EZH2: variants seen among roughly 807,000 people sequenced by gnomAD.
The protein encoded by EZH2 is enhancer of zeste 2 polycomb repressive complex 2 subunit.
EZH2 carries 18 observed loss-of-function variants against 98.4 expected under a neutral mutation model. The ratio of observed to expected loss-of-function variants is 0.18; its 90% CI spans 0.13 to 0.27. The LOEUF is 0.27. EZH2 is among the 10% of genes least tolerant of loss of function. The probability of loss-of-function intolerance (pLI) is 1.00; values close to 1 mark genes in which losing one functional copy is unlikely to be tolerated. For synonymous variants in EZH2, 338 were observed against 312.3 expected, an observed-to-expected ratio of 1.08 and a Z score of -0.87; for missense variants, 470 against 935.1, an observed-to-expected ratio of 0.50 and a Z score of 6.49.
intron 1 of EZH2, chr7:148,850,406 T>C: frequency 1.3e-6 from 1 of 764,714 alleles, no homozygotes; most frequent in Non-Finnish European, 1.6e-6. Context: ...TGTCCTTGTC[T>C]AATATTCTGG....
intron 19 of EZH2, 104 bp downstream of exon 19, chr7:148,808,967 G>T: frequency 3.7e-6 from 3 of 818,390 alleles, no homozygotes; most frequent in South Asian, 1.6e-5. Context: ...ATGGCAAAGT[G>T]ACCCATCAAA....
intron 6 of EZH2, 85 bp from the exon 7 acceptor site, chr7:148,827,351 A>AT (rs1428880699): frequency 3.2e-6 from 3 of 929,066 alleles, no homozygotes; most frequent in Middle Eastern, 2.6e-4. Context: ...TTATGTCTCT[A>AT]TAACAAAGCT....
chr7:148,857,378 T>C, intron 1 of EZH2, among the ~76,000 whole-genome samples: 1 of 152,236 alleles, frequency 6.6e-6, no homozygotes, highest in Non-Finnish European at 1.5e-5. Flanking sequence ...AAATAAAGTC[T>C]TGAGTTTAGT....
intron 1 of EZH2, among the ~76,000 whole-genome samples, chr7:148,847,916 C>T (rs1436333927): frequency 2.6e-5 from 4 of 152,134 alleles, no homozygotes; most frequent in Non-Finnish European, 5.9e-5. Flanking sequence ...TGCTATCAAG[C>T]GAAAAGAGGA....
At chr7:148,876,778 G>A (rs1316315572) in intron 1 of EZH2, among the ~76,000 whole-genome samples, 1 of 152,194 alleles carries the variant, frequency 6.6e-6, no homozygotes, top group Middle Eastern at 3.2e-3. Flanking sequence ...TTTTAGGCTT[G>A]GCAGGCGGTA....
chr7:148,828,259 A>C (rs1585016725), intron 6 of EZH2, among the ~76,000 whole-genome samples: 1 of 152,258 alleles, frequency 6.6e-6, no homozygotes. Context: ...TGCCCAGTGA[A>C]GCACACAAAA....
chr7:148,850,019 T>C (rs557705386), intron 1 of EZH2, among the ~76,000 whole-genome samples: 3 of 152,212 alleles, frequency 2.0e-5, no homozygotes, highest in East Asian at 1.9e-4. Flanking sequence ...TGGGTGTTAT[T>C]ACAATTTCTT....
At chr7:148,841,853 A>G (rs1327117622) in intron 3 of EZH2, among the ~76,000 whole-genome samples, 2 of 152,218 alleles carry the variant, frequency 1.3e-5, no homozygotes, top group African/African-American at 4.8e-5. Context: ...AACTGCCAAC[A>G]TACAAAATAA....
chr7:148,809,207 T>G, intron 18 of EZH2, 52 bp from the exon 19 acceptor site: 1 of 1,589,952 alleles, frequency 6.3e-7, no homozygotes, highest in Non-Finnish European at 8.6e-7. Flanking sequence ...CCACGGGGGG[T>G]TAACTGACTT....
Position 148,828,856 on chromosome 7 carries a change from A to G in EZH2, c.509T>C (p.Ile170Thr). Residue 170 changes from isoleucine (I) to threonine (T), a missense_variant, in exon 6 of 20, where the codon ATT becomes ACT. Around this residue, in one of 6 missense-constraint regions of EZH2, gnomAD observed 69 missense variants for 78.3 expected, o/e 0.88. Transcript: ENST00000320356. ...DRECGFINDE[I>T]FVELVNALGQ... ...AAGGGCATTCACCAACTCCACAAAA[A>G]TTTCATCATTTATAAACCCACATTC... The G allele has an allele frequency of 6.2e-7, 1 of 1,612,702 alleles. No homozygotes were observed. Among genetic ancestry groups the G allele is most frequent in the Non-Finnish European group, 8.5e-7 (1 of 1,179,336 alleles).
chr7:148,814,165 A>G, intron 14 of EZH2, 28 bp from the exon 15 acceptor site: 4 of 1,605,588 alleles, frequency 2.5e-6, no homozygotes, highest in Non-Finnish European at 3.4e-6. Context: ...GAGGTTCTTC[A>G]CTCATCACCG....
At chr7:148,838,197 T>C (rs1375777390) in intron 3 of EZH2, among the ~76,000 whole-genome samples, 3 of 151,426 alleles carry the variant, frequency 2.0e-5, no homozygotes, top group African/African-American at 7.3e-5. Context: ...GCCTCCCGAG[T>C]AGCTGGGACT....
intron 1 of EZH2, among the ~76,000 whole-genome samples, chr7:148,881,968 GCGCGCACACACACACACA>G (rs1821042491): frequency 1.1e-5 from 1 of 93,668 alleles, no homozygotes; most frequent in Admixed American, 1.0e-4. Flanking sequence ...ACACACACGC[GCGCGCACACACACACACA>G]CACACACACA....
intron 1 of EZH2, among the ~76,000 whole-genome samples, chr7:148,860,302 C>T (rs552774562): frequency 6.6e-6 from 1 of 151,152 alleles, no homozygotes; most frequent in South Asian, 2.1e-4. Context: ...GATAAGGGCC[C>T]TGACTGGGTT....
intron 2 of EZH2, 52 bp downstream of exon 2, chr7:148,847,130 A>G (rs1814366866): frequency 2.6e-6 from 4 of 1,558,602 alleles, no homozygotes; most frequent in South Asian, 2.4e-5. Flanking sequence ...TTAGGAGGGG[A>G]AAAAACCTAT....
intron 17 of EZH2, among the ~76,000 whole-genome samples, chr7:148,809,863 C>G (rs374003546): frequency 1.3e-5 from 2 of 152,228 alleles, no homozygotes; most frequent in Non-Finnish European, 2.9e-5. Context: ...CAGAAACATC[C>G]CTACACAGCC....
chr7:148,834,470 G>A (rs1810354496), intron 3 of EZH2, among the ~76,000 whole-genome samples: 2 of 152,048 alleles, frequency 1.3e-5, no homozygotes, highest in South Asian at 4.2e-4. Context: ...TCTGGCATAT[G>A]GGCCACACCT....
At chr7:148,861,844 C>T (rs1445545964) in intron 1 of EZH2, among the ~76,000 whole-genome samples, 1 of 150,368 alleles carries the variant, frequency 6.7e-6, no homozygotes, top group Admixed American at 6.6e-5. Context: ...TGGTGCTTTA[C>T]ATTTTTGCCA....
chr7:148,816,272 G>C (rs1041846151), intron 12 of EZH2, among the ~76,000 whole-genome samples: 1 of 152,058 alleles, frequency 6.6e-6, no homozygotes, highest in Non-Finnish European at 1.5e-5. Flanking sequence ...TAGGAGTATC[G>C]GAATGCAATG....
Sources: allele counts gnomAD v4.1 joint callset (sites outside exome capture counted in the v4.1 genomes callset), GRCh38; gene constraint gnomAD v4.1.1; regional missense constraint gnomAD v4.1.1; transcripts MANE v1.5; gene names NCBI Gene and HGNC (gene_info 2026-07-23, HGNC 2026-07-21).